SLC30A8: variants seen among roughly 807,000 people sequenced by gnomAD.
SLC30A8 encodes the protein solute carrier family 30 member 8, also known as proton-coupled zinc antiporter SLC30A8.
Under a neutral mutation model 36.9 loss-of-function variants are expected in SLC30A8, and 27 were observed. The observed-to-expected ratio is 0.73, with a 90% CI of 0.54 to 1.01. The LOEUF (loss-of-function observed/expected upper bound fraction) is 1.01. Among genes scored for constraint, SLC30A8 ranks in the 50% least tolerant of loss-of-function variants. The pLI is 0.00. For synonymous variants in SLC30A8, 164 were observed against 172.4 expected, an observed-to-expected ratio of 0.95 and a Z score of 0.38; for missense variants, 439 against 452.0, an observed-to-expected ratio of 0.97 and a Z score of 0.26.
rs573375851 is a variant in SLC30A8, at chr8:117,126,972, G to C, written c.-225-8308G>C. Among the ~76,000 whole-genome samples the C allele has an allele frequency of 3.3e-5, 5 of 152,030 alleles. No homozygotes were observed. In the East Asian group the frequency reaches 9.7e-4, roughly 30 times the overall value. On this transcript the variant is annotated intron_variant, in intron 2 of 10. Coordinates refer to the SLC30A8 transcript ENST00000427715. Reference sequence around the variant, plus strand: ...CGACAGTACTGGGGCATCTAATAGCGCCATTTCCAGGTAACTGAAGCTTAC... The same window carrying C: ...CGACAGTACTGGGGCATCTAATAGCCCCATTTCCAGGTAACTGAAGCTTAC...
chr8:117,123,905 G>A (rs950194949), intron 2 of SLC30A8, among the ~76,000 whole-genome samples: 2 of 151,994 alleles, frequency 1.3e-5, no homozygotes, highest in Admixed American at 6.6e-5. Context: ...ATTGGGTATT[G>A]GCTAGTGCAG....
chr8:117,163,414 T>A lies in SLC30A8; in HGVS notation c.724-11T>A. 1.2e-6 allele frequency: 2 copies of A among 1,607,146 alleles called. No individual in the cohort carries two copies. Among genetic ancestry groups the A allele is most frequent in the Middle Eastern group, 1.7e-4 (1 of 6,006 alleles). ...AATTCAGTTAACCAAAATCCCTGTTTTTTTTTCTAGCCAGAGTATAAAATA... is the reference window on the plus strand; with the variant it reads ...AATTCAGTTAACCAAAATCCCTGTTATTTTTTCTAGCCAGAGTATAAAATA... On this transcript the variant is annotated splice_polypyrimidine_tract_variant and intron_variant, in intron 5 of 7. Transcript: ENST00000456015.
intron 1 of SLC30A8, among the ~76,000 whole-genome samples, chr8:117,006,800 T>TTTTTTG (rs1816187692): frequency 1.0e-5 from 1 of 98,304 alleles, no homozygotes; most frequent in African/African-American, 3.4e-5. Context: ...TTTTTTTTTT[T>TTTTTTG]GAGACGGAAT....
chr8:117,099,305 C>T (rs1017426173), intron 2 of SLC30A8, among the ~76,000 whole-genome samples: 2 of 152,102 alleles, frequency 1.3e-5, no homozygotes, highest in Non-Finnish European at 2.9e-5. Flanking sequence ...GCTGGCTTCT[C>T]ATTGTTATTC....
chr8:117,022,604 C>G (rs1341588214), intron 1 of SLC30A8, among the ~76,000 whole-genome samples: 1 of 152,140 alleles, frequency 6.6e-6, no homozygotes, highest in Non-Finnish European at 1.5e-5. Context: ...TTTGACAAAC[C>G]TGACAAAAAC....
At chr8:117,126,138 G>A (rs1007945432) in intron 2 of SLC30A8, among the ~76,000 whole-genome samples, 2 of 151,852 alleles carry the variant, frequency 1.3e-5, no homozygotes, top group African/African-American at 2.4e-5. Context: ...GGCAAAAAAC[G>A]TCCAATCAAG....
intron 1 of SLC30A8, among the ~76,000 whole-genome samples, chr8:116,968,819 C>G (rs922299730): frequency 6.6e-6 from 1 of 152,116 alleles, no homozygotes; most frequent in African/African-American, 2.4e-5. Context: ...TCACTGCAAT[C>G]TCAGCCTCCT....
chr8:117,032,248 T>G (rs2130741749), intron 1 of SLC30A8, among the ~76,000 whole-genome samples: 1 of 152,240 alleles, frequency 6.6e-6, no homozygotes, highest in South Asian at 2.1e-4. Flanking sequence ...TCAGTACTTG[T>G]CAAAGTTTAG....
At chr8:117,160,990 GTCTA>G (rs1822763061) in intron 4 of SLC30A8, among the ~76,000 whole-genome samples, 1 of 152,184 alleles carries the variant, frequency 6.6e-6, no homozygotes. Flanking sequence ...TTTACGTTTA[GTCTA>G]ATACCTCTTA....
At chr8:117,059,420 T>C (rs1028682083) in intron 2 of SLC30A8, among the ~76,000 whole-genome samples, 5 of 152,200 alleles carry the variant, frequency 3.3e-5, no homozygotes, top group African/African-American at 1.2e-4. Context: ...TAGCTTAAAA[T>C]GCAGTGAAAG....
intron 2 of SLC30A8, among the ~76,000 whole-genome samples, chr8:117,066,563 C>A (rs1198053249): frequency 1.3e-5 from 2 of 152,134 alleles, no homozygotes; most frequent in African/African-American, 2.4e-5. Context: ...GGAGTTTACT[C>A]CTACTGGCTT....
Position 117,176,338 on chromosome 8 carries a change from A to G in SLC30A8, c.*3657A>G, listed in dbSNP as rs1232294386. 2.0e-5 allele frequency: 3 copies of G among 152,470 alleles called. No homozygotes were observed. The highest frequency in any genetic ancestry group is 4.4e-5 in the Non-Finnish European group (3 of 67,986). The allele number at this position is 152,470 out of a possible 1,614,324, so 9.4% of individuals were successfully genotyped here. A position where few individuals can be genotyped will look rare whatever the true frequency, so the allele number is the denominator to read the frequency against. The stretch of plus-strand genomic sequence containing the variant: ...AGAGTCTTGCAAAGAGACAAGCCTC[A>G]TTTTCCACAATTAGCTCTAAAGTGC... On this transcript the variant is annotated 3_prime_UTR_variant, in exon 8 of 8. Transcript: ENST00000456015.
Position 117,063,053 on chromosome 8 carries a change from G to A in SLC30A8, c.-226+23795G>A, listed in dbSNP as rs550331313. Among the ~76,000 whole-genome samples the A allele has an allele frequency of 2.6e-5, 4 of 152,206 alleles. No individual in the cohort carries two copies. In the East Asian group the frequency reaches 7.7e-4, roughly 29 times the overall value. ...TTAATGACTTCGAGTCCAACAATGCGAGTTCATGGGAAGTATTTAGAGACC... is the reference window on the plus strand; with the variant it reads ...TTAATGACTTCGAGTCCAACAATGCAAGTTCATGGGAAGTATTTAGAGACC... On this transcript the variant is annotated intron_variant, in intron 2 of 10. Transcript: ENST00000427715.
chr8:116,970,172 G>C (rs1001015217), intron 1 of SLC30A8, among the ~76,000 whole-genome samples: 1 of 151,166 alleles, frequency 6.6e-6, no homozygotes, highest in Non-Finnish European at 1.5e-5. Flanking sequence ...AATGATTTCT[G>C]TTAAAAAACC....
At chr8:117,108,746 A>G (rs1269515311) in intron 2 of SLC30A8, among the ~76,000 whole-genome samples, 1 of 152,154 alleles carries the variant, frequency 6.6e-6, no homozygotes, top group East Asian at 1.9e-4. Context: ...CTCTACAAAG[A>G]AAATAAACCA....
intron 2 of SLC30A8, among the ~76,000 whole-genome samples, chr8:117,091,732 G>A (rs1325607610): frequency 2.6e-5 from 4 of 152,056 alleles, no homozygotes; most frequent in African/African-American, 9.7e-5. Context: ...TTTATTTCTA[G>A]CCACAATATA....
intron 2 of SLC30A8, among the ~76,000 whole-genome samples, chr8:117,149,067 C>T (rs779940018): frequency 3.9e-5 from 6 of 152,082 alleles, no homozygotes; most frequent in African/African-American, 1.2e-4. Context: ...GTTTTTATCA[C>T]GTTAAACAAT....
At chr8:117,094,397 A>C (rs1298345204) in intron 2 of SLC30A8, among the ~76,000 whole-genome samples, 1 of 152,102 alleles carries the variant, frequency 6.6e-6, no homozygotes, top group Non-Finnish European at 1.5e-5. Context: ...TCTTCTCTGC[A>C]AGCAGGGTGT....
chr8:116,952,116 T>G (rs1814014790), intron 1 of SLC30A8, among the ~76,000 whole-genome samples: 1 of 152,078 alleles, frequency 6.6e-6, no homozygotes, highest in African/African-American at 2.4e-5. Flanking sequence ...TAGAAGGTGC[T>G]AGAGGTGAGC....
Sources: allele counts gnomAD v4.1 joint callset (sites outside exome capture counted in the v4.1 genomes callset), GRCh38; gene constraint gnomAD v4.1.1; transcripts MANE v1.5; gene names NCBI Gene and HGNC (gene_info 2026-07-23, HGNC 2026-07-21).